The following BANK1 variants were observed in gnomAD, a reference collection of about 807,000 sequenced individuals.
BANK1 encodes the protein B cell scaffold protein with ankyrin repeats 1, also known as B-cell scaffold protein with ankyrin repeats.
A neutral mutation model predicts 94.5 loss-of-function variants in BANK1; 95 were observed. That is an observed-to-expected ratio of 1.00 (90% CI 0.85 to 1.19). BANK1 has a LOEUF of 1.19. Ranked by LOEUF, BANK1 falls within the 50% of genes most tolerant of loss-of-function variation. BANK1 has a pLI of 0.00. For synonymous variants in BANK1, 334 were observed against 308.4 expected (o/e 1.08, Z -0.87); for missense variants, 987 against 932.2 (o/e 1.06, Z -0.77).
At position 102,021,603 on chromosome 4, in the gene BANK1, CCAT is replaced by C; in HGVS notation, c.1285+12_1285+14del. The C allele has an allele frequency of 8.4e-7, 1 of 1,184,680 alleles. No individual in the cohort carries two copies. Among genetic ancestry groups the C allele is most frequent in the Non-Finnish European group, 1.2e-6 (1 of 856,280 alleles). The allele number at this position is 1,184,680 out of a possible 1,614,324, so 73.4% of individuals were successfully genotyped here. On this transcript the variant is annotated intron_variant, in intron 8 of 16. Coordinates refer to ENST00000322953, the MANE Select transcript of BANK1 (RefSeq NM_017935.5). ...CCACATATATTCCTTGTAAGTTTTT[CCAT>C]GTTATATATATATATGACATATTCA...
intron 5 of BANK1, among the ~76,000 whole-genome samples, chr4:101,875,118 A>G (rs1221124982): frequency 6.6e-6 from 1 of 152,170 alleles, no homozygotes; most frequent in African/African-American, 2.4e-5. Flanking sequence ...GTTTAACGTT[A>G]TATCACTGAA....
At chr4:102,030,309 C>A in intron 10 of BANK1, 44 bp downstream of exon 10, 1 of 1,511,376 alleles carries the variant, frequency 6.6e-7, no homozygotes, top group South Asian at 1.4e-5. Flanking sequence ...TTTTTTTGTC[C>A]AAAATTTTGA....
intron 6 of BANK1, among the ~76,000 whole-genome samples, chr4:101,915,896 A>G (rs1453728417): frequency 6.6e-6 from 1 of 152,102 alleles, no homozygotes; most frequent in Non-Finnish European, 1.5e-5. Flanking sequence ...CTCACATGTT[A>G]TATAATGGTT....
chr4:101,795,286 A>G (rs1560577072), intron 1 of BANK1, among the ~76,000 whole-genome samples: 1 of 152,174 alleles, frequency 6.6e-6, no homozygotes, highest in Non-Finnish European at 1.5e-5. Context: ...AGGGTGTCAG[A>G]AGAGTAGTGT....
At chr4:102,057,720 T>TTGA (rs1298224065) in intron 11 of BANK1, among the ~76,000 whole-genome samples, 3 of 152,208 alleles carry the variant, frequency 2.0e-5, no homozygotes, top group Non-Finnish European at 4.4e-5. Flanking sequence ...TGACATCACA[T>TTGA]TGATACTTAT....
intron 9 of BANK1, among the ~76,000 whole-genome samples, chr4:102,029,046 C>CT (rs1727195277): frequency 6.6e-6 from 1 of 152,094 alleles, no homozygotes; most frequent in Admixed American, 6.6e-5. Flanking sequence ...TCTGGAGTAG[C>CT]TAGGAGTACT....
At chr4:101,866,440 A>G (rs970115338) in intron 4 of BANK1, among the ~76,000 whole-genome samples, 1 of 152,268 alleles carries the variant, frequency 6.6e-6, no homozygotes, top group East Asian at 1.9e-4. Flanking sequence ...AATGAAGCAC[A>G]ATAAATATTC....
intron 5 of BANK1, among the ~76,000 whole-genome samples, chr4:101,871,812 GAAGTA>G (rs1384397125): frequency 2.6e-5 from 4 of 152,114 alleles, no homozygotes; most frequent in Admixed American, 6.6e-5. Flanking sequence ...AGTCAGTGTA[GAAGTA>G]AAGTAGTCTC....
chr4:101,978,470 T>A (rs184516244), intron 7 of BANK1, among the ~76,000 whole-genome samples: 1 of 152,238 alleles, frequency 6.6e-6, no homozygotes, highest in East Asian at 1.9e-4. Context: ...TAGTTGCTAT[T>A]ATTACAATTA....
At chr4:101,854,079 A>G (rs1371682111) in intron 2 of BANK1, among the ~76,000 whole-genome samples, 3 of 152,106 alleles carry the variant, frequency 2.0e-5, no homozygotes, top group East Asian at 3.9e-4. Context: ...CGGAAAAGCA[A>G]GGCATTCTCA....
At chr4:102,029,603 A>G (rs1030944027) in intron 9 of BANK1, among the ~76,000 whole-genome samples, 3 of 148,322 alleles carry the variant, frequency 2.0e-5, no homozygotes, top group East Asian at 1.9e-4. Context: ...GAAATAATAT[A>G]TAAAAATAAT....
chr4:102,054,882 G>A (rs897642190), intron 11 of BANK1, among the ~76,000 whole-genome samples: 6 of 152,096 alleles, frequency 3.9e-5, no homozygotes, highest in African/African-American at 1.2e-4. Flanking sequence ...TGTCTTTACC[G>A]TGGGAATTTA....
At chr4:102,062,775 C>T (rs1364458644) in intron 12 of BANK1, 1 of 276,684 alleles carries the variant, frequency 3.6e-6, no homozygotes, top group East Asian at 7.5e-5. Flanking sequence ...AAGAATTGCA[C>T]TCTAGGATCC....
At chr4:101,814,769 A>T (rs1725845197) in intron 1 of BANK1, among the ~76,000 whole-genome samples, 1 of 152,092 alleles carries the variant, frequency 6.6e-6, no homozygotes, top group Non-Finnish European at 1.5e-5. Flanking sequence ...TTTTTTCATT[A>T]ACTTGAGTTA....
rs1728749244 is a variant in BANK1, at chr4:102,071,231, T to C, written c.2213-44T>C. ...AATAAGAGAGAGAATTTAAGATAAA[T>C]ATTGAACAAAACTCAGTAGAACATG... On this transcript the variant is annotated intron_variant, in intron 13 of 16. Transcript: ENST00000322953. The C allele has an allele frequency of 2.5e-6, 4 of 1,593,700 alleles. No individual in the cohort carries two copies. The South Asian group carries it at 4.4e-5, about 18-fold the overall frequency.
intron 6 of BANK1, among the ~76,000 whole-genome samples, chr4:101,902,933 A>G (rs759630591): frequency 1.8e-4 from 27 of 152,244 alleles, no homozygotes; most frequent in African/African-American, 6.3e-4. Context: ...AAATAAAGTC[A>G]TCAGTTGTTC....
chr4:101,835,967 A>G (rs1283534767), intron 2 of BANK1, among the ~76,000 whole-genome samples: 1 of 152,076 alleles, frequency 6.6e-6, no homozygotes, highest in African/African-American at 2.4e-5. Flanking sequence ...ACATATTTTC[A>G]GTTGAAATCT....
chr4:102,061,524 A>G (rs1728417460), intron 12 of BANK1: 1 of 152,212 alleles, frequency 6.6e-6, no homozygotes, highest in Admixed American at 6.5e-5. Context: ...CAATGTCATC[A>G]CCAATACACA....
At chr4:101,923,377 G>A (rs555894105) in intron 7 of BANK1, among the ~76,000 whole-genome samples, 1 of 151,870 alleles carries the variant, frequency 6.6e-6, no homozygotes, top group African/African-American at 2.4e-5. Context: ...GTGTGTGTGT[G>A]TGCTTTGCAT....
Sources: gnomAD v4.1 joint callset for allele counts (sites outside exome capture counted in the v4.1 genomes callset) on GRCh38, gnomAD v4.1.1 for gene constraint, MANE v1.5 for transcripts, NCBI Gene and HGNC (gene_info 2026-07-23, HGNC 2026-07-21) for gene names.